Variants in SLC7A14 observed in about 807,000 individuals in gnomAD.
The protein encoded by SLC7A14 is solute carrier family 7 member 14, also known as gamma-aminobutyric acid transporter SLC7A14.
Under a neutral mutation model 60.2 loss-of-function variants are expected in SLC7A14, and 37 were observed. The observed-to-expected ratio is 0.61, with a 90% CI of 0.47 to 0.81. SLC7A14 has a LOEUF of 0.81. Ranked by LOEUF, SLC7A14 falls within the 30% of genes least tolerant of loss-of-function variation. The pLI, the probability that SLC7A14 is intolerant of heterozygous loss-of-function variation, is 0.00. For synonymous variants in SLC7A14, 399 were observed against 395.8 expected (o/e 1.01, Z -0.10); for missense variants, 886 against 982.7 (o/e 0.90, Z 1.32).
At chr3:170,523,033 C>T (rs1000301901) in intron 2 of SLC7A14, among the ~76,000 whole-genome samples, 2 of 152,206 alleles carry the variant, frequency 1.3e-5, no homozygotes, top group South Asian at 4.1e-4. Flanking sequence ...TTAAGGGCCA[C>T]ACTCTCTGGA....
At chr3:170,500,504 T>C (rs1323203898) in intron 3 of SLC7A14, among the ~76,000 whole-genome samples, 4 of 148,960 alleles carry the variant, frequency 2.7e-5, no homozygotes, top group African/African-American at 5.0e-5. Context: ...TGAGGTCTCA[T>C]GGTATTTGTT....
chr3:170,496,602 T>C (rs1433280519), intron 4 of SLC7A14: 4 of 1,586,892 alleles, frequency 2.5e-6, no homozygotes, highest in Non-Finnish European at 3.5e-6. Context: ...GATCGCCACC[T>C]ACAGGAAGCT....
chr3:170,540,990 T>A (rs1356717441), intron 1 of SLC7A14, among the ~76,000 whole-genome samples: 2 of 152,336 alleles, frequency 1.3e-5, no homozygotes, highest in African/African-American at 4.8e-5. Flanking sequence ...GAAAAGGAGA[T>A]GTTTTCACTT....
chr3:170,478,704 C>T (rs1206443813), intron 7 of SLC7A14, among the ~76,000 whole-genome samples: 2 of 152,148 alleles, frequency 1.3e-5, no homozygotes, highest in Non-Finnish European at 1.5e-5. Context: ...TTGAAGAGTA[C>T]TTTATAATAA....
intron 2 of SLC7A14, among the ~76,000 whole-genome samples, chr3:170,513,419 A>G (rs1162370710): frequency 6.6e-6 from 1 of 152,266 alleles, no homozygotes; most frequent in Non-Finnish European, 1.5e-5. Flanking sequence ...AGAAATTAAT[A>G]TAGCCAAGGG....
intron 4 of SLC7A14, chr3:170,496,089 G>A (rs1254843050): frequency 1.6e-5 from 20 of 1,235,098 alleles, no homozygotes; most frequent in African/African-American, 3.0e-5. Context: ...GCTGACTGAC[G>A]AGATCAACTT....
intron 2 of SLC7A14, among the ~76,000 whole-genome samples, chr3:170,503,528 C>A (rs1000987214): frequency 2.0e-5 from 3 of 152,134 alleles, no homozygotes; most frequent in Non-Finnish European, 4.4e-5. Flanking sequence ...AGATGCAACT[C>A]ACTTCCCTGC....
At chr3:170,492,716 GAGGTCCCT>G (rs1223993469) in intron 4 of SLC7A14, among the ~76,000 whole-genome samples, 1 of 152,130 alleles carries the variant, frequency 6.6e-6, no homozygotes, top group Non-Finnish European at 1.5e-5. Flanking sequence ...CTCAGTATGT[GAGGTCCCT>G]AAAAACTGGC....
At chr3:170,484,959 A>G (rs1711975043) in intron 5 of SLC7A14, among the ~76,000 whole-genome samples, 1 of 152,062 alleles carries the variant, frequency 6.6e-6, no homozygotes, top group Non-Finnish European at 1.5e-5. Context: ...GTGGTCTATA[A>G]AGTGCTATTC....
rs1233410483 is a variant in SLC7A14, at chr3:170,480,900, T to C, written c.1382A>G (p.Lys461Arg). 1 of 1,614,044 alleles carries C rather than the reference T, an allele frequency of 6.2e-7. No individual in the cohort carries two copies. Among genetic ancestry groups the C allele is most frequent in the African/African-American group, 1.3e-5 (1 of 75,022 alleles). The change falls in exon 7 of 8, where the codon AAG becomes AGG. Residue 461 changes from lysine to arginine, a missense_variant. Lys to Arg is a conservative substitution (Grantham distance 26, BLOSUM62 2). Transcript: ENST00000231706. Reference sequence around the variant, plus strand: ...CTCACTCACAGGAGAACAAGCTTCCTTCTCACAGTCAGCCAGAATGCCCTC... The same window carrying C: ...CTCACTCACAGGAGAACAAGCTTCCCTCTCACAGTCAGCCAGAATGCCCTC... ...KKEGILADCE[K>R]EACSPVSEGD... is the part of the protein sequence containing the mutation.
intron 2 of SLC7A14, among the ~76,000 whole-genome samples, chr3:170,514,208 C>T (rs969440052): frequency 5.3e-5 from 8 of 152,182 alleles, no homozygotes; most frequent in Non-Finnish European, 1.0e-4. Flanking sequence ...AAGTAGATGG[C>T]CTGGCACATG....
In SLC7A14 at chr3:170,526,802, A is replaced by T. The variant is rs775148731; in HGVS notation, c.135T>A (p.His45Gln). ...TGAGTACCTGGGCTAGCTTAGTTCC[A>T]TGTGCCGTGGTGGTCCCAGTTCCCT... ...MLEGTGTTTA[H>Q]GTKLAQVLTT... is the part of the protein sequence containing the mutation. The change falls in exon 2 of 8, where the codon CAT (histidine) becomes CAA (glutamine). Residue 45 changes from histidine to glutamine, a missense_variant. Coordinates refer to ENST00000231706, the MANE Select transcript of SLC7A14 (RefSeq NM_020949.3). 2 of 1,614,208 alleles carry T rather than the reference A, an allele frequency of 1.2e-6. No homozygotes were observed. Among genetic ancestry groups the T allele is most frequent in the Non-Finnish European group, 1.7e-6 (2 of 1,180,040 alleles).
At chr3:170,582,920 C>A (rs553955887) in intron 1 of SLC7A14, among the ~76,000 whole-genome samples, 1 of 152,092 alleles carries the variant, frequency 6.6e-6, no homozygotes, top group Non-Finnish European at 1.5e-5. Context: ...TATGTTAGAG[C>A]GAACTAGAAT....
intron 4 of SLC7A14, among the ~76,000 whole-genome samples, chr3:170,489,215 A>G (rs1004454465): frequency 3.3e-5 from 5 of 152,248 alleles, no homozygotes; most frequent in Admixed American, 1.3e-4. Context: ...CCCATCTGAC[A>G]AGGGATTAAT....
intron 1 of SLC7A14, among the ~76,000 whole-genome samples, chr3:170,560,228 G>A (rs1714608622): frequency 1.3e-5 from 2 of 152,152 alleles, no homozygotes; most frequent in Non-Finnish European, 2.9e-5. Context: ...AGAGTGGTAA[G>A]TGTGTTAGCT....
intron 2 of SLC7A14, among the ~76,000 whole-genome samples, chr3:170,523,423 C>T (rs2111825): frequency 0.032 from 4,839 of 152,230 alleles, 105 homozygotes; most frequent in Non-Finnish European, 0.048. Context: ...CAATTTCTAC[C>T]GATTCCACCA....
intron 6 of SLC7A14, among the ~76,000 whole-genome samples, chr3:170,482,327 AC>A (rs1301909832): frequency 6.6e-6 from 1 of 152,166 alleles, no homozygotes; most frequent in Non-Finnish European, 1.5e-5. Flanking sequence ...CGCCTCCATC[AC>A]CCTAGGCCCC....
At chr3:170,546,259 A>T (rs1714178839) in intron 1 of SLC7A14, among the ~76,000 whole-genome samples, 1 of 152,198 alleles carries the variant, frequency 6.6e-6, no homozygotes, top group African/African-American at 2.4e-5. Flanking sequence ...AGTGACCTGG[A>T]AAGTAGGAGT....
At chr3:170,473,414 C>T (rs1711512273) in intron 7 of SLC7A14, among the ~76,000 whole-genome samples, 1 of 152,218 alleles carries the variant, frequency 6.6e-6, no homozygotes. Flanking sequence ...AACTCCCTGT[C>T]CTCTCCATGA....
Sources: allele counts gnomAD v4.1 joint callset (sites outside exome capture counted in the v4.1 genomes callset), GRCh38; gene constraint gnomAD v4.1.1; transcripts MANE v1.5; gene names NCBI Gene and HGNC (gene_info 2026-07-23, HGNC 2026-07-21).